LCMT1: variants seen among roughly 807,000 people sequenced by gnomAD.
The protein encoded by LCMT1 is [Phosphatase 2A protein]-leucine-carboxy methyltransferase 1.
Under a neutral mutation model 47.7 loss-of-function variants are expected in LCMT1, and 32 were observed. The observed-to-expected ratio is 0.67, with a 90% confidence interval of 0.51 to 0.90. LCMT1 has a LOEUF of 0.90. LCMT1 is among the 40% of genes least tolerant of loss of function. The pLI is 0.00. For missense variants in LCMT1, 375 were observed against 415.2 expected (o/e 0.90, Z 0.84); for synonymous variants, 152 against 149.7 (o/e 1.02, Z -0.11).
At chr16:25,124,488 T>C (rs1960097658) in intron 1 of LCMT1, among the ~76,000 whole-genome samples, 1 of 152,224 alleles carries the variant, frequency 6.6e-6, no homozygotes, top group Non-Finnish European at 1.5e-5. Context: ...GCCTGCCTTG[T>C]AGGATCTTAT....
intron 4 of LCMT1, chr16:25,149,048 CG>C (rs1456648855): frequency 6.6e-6 from 1 of 152,034 alleles, no homozygotes; most frequent in Non-Finnish European, 1.5e-5. Context: ...GTAGGGAATG[CG>C]GGTCAGCATA....
At chr16:25,170,589 C>A in intron 8 of LCMT1, 125 bp from the exon 9 acceptor site, 1 of 715,686 alleles carries the variant, frequency 1.4e-6, no homozygotes, top group Non-Finnish European at 2.4e-6. Flanking sequence ...GTGATCACAC[C>A]ACTGCACTTC....
chr16:25,145,279 T>C (rs984557790), intron 4 of LCMT1: 3 of 152,200 alleles, frequency 2.0e-5, no homozygotes, highest in African/African-American at 7.2e-5. Flanking sequence ...TTTAATGATA[T>C]TAAAATCTGA....
At chr16:25,122,966 T>G (rs2141632952) in intron 1 of LCMT1, among the ~76,000 whole-genome samples, 1 of 152,264 alleles carries the variant, frequency 6.6e-6, no homozygotes, top group Non-Finnish European at 1.5e-5. Context: ...GTTTTAAATC[T>G]TTGTGATGCA....
At chr16:25,146,473 C>G (rs879813810) in intron 4 of LCMT1, 2 of 152,388 alleles carry the variant, frequency 1.3e-5, no homozygotes, top group Non-Finnish European at 2.9e-5. Flanking sequence ...TGGCTCCATC[C>G]AAGGTTGGCT....
At chr16:25,150,343 T>G (rs1036136495) in intron 4 of LCMT1, among the ~76,000 whole-genome samples, 9 of 138,834 alleles carry the variant, frequency 6.5e-5, no homozygotes, top group Non-Finnish European at 1.1e-4. Context: ...GTTTTTTTTT[T>G]TTTTTTTTTT....
intron 1 of LCMT1, among the ~76,000 whole-genome samples, chr16:25,125,193 A>G (rs1326665072): frequency 6.6e-6 from 1 of 152,214 alleles, no homozygotes; most frequent in Non-Finnish European, 1.5e-5. Context: ...GGGTGCAGAG[A>G]TAACAGTGTA....
intron 7 of LCMT1, among the ~76,000 whole-genome samples, chr16:25,166,661 A>C (rs894007903): frequency 7.2e-5 from 11 of 152,042 alleles, no homozygotes; most frequent in Non-Finnish European, 1.5e-4. Context: ...TTATTTTATC[A>C]CACATAAGAG....
chr16:25,138,512 C>T (rs997418903), intron 3 of LCMT1, among the ~76,000 whole-genome samples: 24 of 151,570 alleles, frequency 1.6e-4, no homozygotes, highest in African/African-American at 4.9e-4. Flanking sequence ...GCTGTGTGTG[C>T]GCATGTGCGT....
rs773355909 is a variant in LCMT1, at chr16:25,178,112, C to T, written c.*89C>T. On this transcript the variant is annotated 3_prime_UTR_variant, in exon 11 of 11. Coordinates refer to ENST00000399069, the MANE Select transcript of LCMT1 (RefSeq NM_016309.3). The stretch of plus-strand genomic sequence containing the variant: ...AGCTCCCTGAGCGGTGGGCGGGCCT[C>T]GTCCGCAGGTCTCATCCCACACTCT... The T allele has an allele frequency of 2.8e-5, 35 of 1,230,148 alleles. No individual in the cohort carries two copies. Among genetic ancestry groups the T allele is most frequent in the Middle Eastern group, 1.9e-4 (1 of 5,306 alleles). 76.2% of individuals were successfully genotyped at this position (1,230,148 alleles called of 1,614,324 possible).
At position 25,160,350 on chromosome 16, in the gene LCMT1, C is replaced by A. The variant is rs1003709875; in HGVS notation, c.467-752C>A. 1.1e-4 allele frequency among the ~76,000 whole-genome samples: 4 copies of A among 36,328 alleles called. No homozygotes were observed. The Admixed American group carries it at 1.7e-3, about 15-fold the overall frequency. The allele number at this position is 36,328 out of a possible 152,430, so 23.8% of individuals were successfully genotyped here. On this transcript the variant is annotated intron_variant, in intron 5 of 10. Coordinates refer to ENST00000399069, the MANE Select transcript of LCMT1 (RefSeq NM_016309.3). ...ACGCCACCCAGTTGATTCTGATGAC[C>A]ACTGAAGCCTGAGAATAATCACTAT...
intron 2 of LCMT1, chr16:25,132,200 A>T: frequency 3.4e-6 from 2 of 583,876 alleles, no homozygotes; most frequent in Non-Finnish European, 6.1e-6. Flanking sequence ...AATAGATTAT[A>T]CTTACCTTGG....
intron 6 of LCMT1, among the ~76,000 whole-genome samples, chr16:25,161,454 C>G (rs148327145): frequency 4.0e-4 from 61 of 151,818 alleles, no homozygotes; most frequent in African/African-American, 1.5e-3. Context: ...TTCCCAGGTT[C>G]AAGTGATTCT....
intron 1 of LCMT1, among the ~76,000 whole-genome samples, chr16:25,124,178 A>G (rs548826806): frequency 2.6e-5 from 4 of 152,356 alleles, no homozygotes; most frequent in African/African-American, 9.6e-5. Context: ...AACTCTACAC[A>G]GTAGACCTGT....
At chr16:25,112,780 A>AT (rs1035564450) in intron 1 of LCMT1, among the ~76,000 whole-genome samples, 4 of 152,136 alleles carry the variant, frequency 2.6e-5, no homozygotes, top group East Asian at 1.9e-4. Context: ...TATAATTATG[A>AT]TTTTTTTGTG....
intron 8 of LCMT1, 77 bp from the exon 9 acceptor site, chr16:25,170,637 C>T (rs755555995): frequency 9.4e-6 from 11 of 1,167,972 alleles, no homozygotes; most frequent in Non-Finnish European, 1.4e-5. Context: ...CTCTTTAAAA[C>T]AAAACAGTGT....
At chr16:25,126,080 C>T (rs202184591) in intron 1 of LCMT1, 379 of 1,351,322 alleles carry the variant, frequency 2.8e-4, no homozygotes, top group African/African-American at 8.3e-4. Flanking sequence ...CTTCCTAGGG[C>T]GCATGGAAAC....
chr16:25,121,353 T>TGA (rs1959981383), intron 1 of LCMT1, among the ~76,000 whole-genome samples: 1 of 152,044 alleles, frequency 6.6e-6, no homozygotes, highest in Admixed American at 6.5e-5. Flanking sequence ...GAGGTTGCAG[T>TGA]GAGCCGAGAT....
At chr16:25,164,958 T>C (rs1033259423) in intron 7 of LCMT1, among the ~76,000 whole-genome samples, 1 of 152,232 alleles carries the variant, frequency 6.6e-6, no homozygotes, top group African/African-American at 2.4e-5. Flanking sequence ...GTTCTTATTT[T>C]TATCATTACA....
Sources: gnomAD v4.1 joint callset for allele counts (sites outside exome capture counted in the v4.1 genomes callset) on GRCh38, gnomAD v4.1.1 for gene constraint, MANE v1.5 for transcripts, NCBI Gene and HGNC (gene_info 2026-07-23, HGNC 2026-07-21) for gene names.